Variants in ESRRG observed in about 807,000 individuals in gnomAD.
ESRRG encodes estrogen-related receptor gamma.
In ESRRG, 13 loss-of-function variants were observed where a neutral mutation model predicts 44.0. The ratio of observed to expected loss-of-function variants is 0.30; its 90% CI spans 0.19 to 0.47. The LOEUF is 0.47. Ranked by LOEUF, ESRRG falls within the 20% of genes least tolerant of loss-of-function variation. The pLI is 1.00. For synonymous variants in ESRRG, 215 were observed against 214.6 expected (o/e 1.00, Z -0.02); for missense variants, 395 against 580.6 (o/e 0.68, Z 3.29).
At chr1:216,862,697 T>C (rs930963036) in intron 2 of ESRRG, 3 of 152,122 alleles carry the variant, frequency 2.0e-5, no homozygotes, top group African/African-American at 4.8e-5. Flanking sequence ...GACTTATCCA[T>C]AGAGGCAAAA....
intron 1 of ESRRG, among the ~76,000 whole-genome samples, chr1:217,028,156 C>A (rs1353456139): frequency 6.6e-6 from 1 of 152,128 alleles, no homozygotes; most frequent in African/African-American, 2.4e-5. Flanking sequence ...TCATTATAAC[C>A]TACAAAGGGA....
chr1:216,826,420 C>T (rs1414372986), intron 2 of ESRRG, among the ~76,000 whole-genome samples: 2 of 152,114 alleles, frequency 1.3e-5, no homozygotes, highest in African/African-American at 4.8e-5. Context: ...GATCTGGGCT[C>T]ACCAGCCATT....
chr1:216,805,332 A>C (rs1231433007), intron 2 of ESRRG: 3 of 152,156 alleles, frequency 2.0e-5, no homozygotes, highest in Non-Finnish European at 4.4e-5. Context: ...ACATTTGTTG[A>C]GTTAGCTAGC....
chr1:216,811,031 C>G (rs2094953063), intron 2 of ESRRG, among the ~76,000 whole-genome samples: 1 of 151,628 alleles, frequency 6.6e-6, no homozygotes, highest in African/African-American at 2.4e-5. Flanking sequence ...TTTTGAGAGG[C>G]AAAAATAAAT....
chr1:217,047,985 A>G (rs1255328385), intron 1 of ESRRG, among the ~76,000 whole-genome samples: 1 of 152,190 alleles, frequency 6.6e-6, no homozygotes, highest in Admixed American at 6.5e-5. Flanking sequence ...AGACCAAGAA[A>G]TATGTGTAGT....
At chr1:216,847,657 C>T (rs944987478) in intron 2 of ESRRG, among the ~76,000 whole-genome samples, 2 of 152,064 alleles carry the variant, frequency 1.3e-5, no homozygotes, top group Admixed American at 1.3e-4. Context: ...TATTGTCTCT[C>T]TCTAAACTGG....
intron 1 of ESRRG, among the ~76,000 whole-genome samples, chr1:216,947,895 C>G (rs1369719759): frequency 6.6e-6 from 1 of 152,026 alleles, no homozygotes; most frequent in Admixed American, 6.6e-5. Flanking sequence ...GGAGCCTCCC[C>G]ATACTTGGTC....
chr1:216,534,959 C>A (rs989146164), intron 5 of ESRRG, among the ~76,000 whole-genome samples: 6 of 152,054 alleles, frequency 3.9e-5, no homozygotes, highest in Non-Finnish European at 5.9e-5. Flanking sequence ...TCCAAGTCAG[C>A]CTGCAAACTG....
At chr1:216,994,650 C>CA (rs1560405253) in intron 1 of ESRRG, among the ~76,000 whole-genome samples, 1 of 152,022 alleles carries the variant, frequency 6.6e-6, no homozygotes, top group East Asian at 1.9e-4. Context: ...GGCGCTATGT[C>CA]GGCTCACTGC....
intron 5 of ESRRG, among the ~76,000 whole-genome samples, chr1:216,552,347 C>A (rs937429547): frequency 2.6e-5 from 4 of 152,132 alleles, no homozygotes; most frequent in Admixed American, 6.6e-5. Context: ...TAATGCACAA[C>A]TGAGCATTAA....
intron 1 of ESRRG, among the ~76,000 whole-genome samples, chr1:217,084,765 TAA>T (rs2091975467): frequency 6.6e-6 from 1 of 152,180 alleles, no homozygotes; most frequent in Admixed American, 6.6e-5. Context: ...AACAGCCATA[TAA>T]ATAAATAAAA....
intron 2 of ESRRG, among the ~76,000 whole-genome samples, chr1:216,854,034 C>T (rs1349008835): frequency 2.0e-5 from 3 of 152,082 alleles, no homozygotes; most frequent in Non-Finnish European, 2.9e-5. Flanking sequence ...GAGTTAGGCT[C>T]AGCTGGCTGC....
At chr1:216,549,361 T>C (rs767705934) in intron 5 of ESRRG, among the ~76,000 whole-genome samples, 1 of 151,998 alleles carries the variant, frequency 6.6e-6, no homozygotes, top group Non-Finnish European at 1.5e-5. Flanking sequence ...GAGGGAAAAG[T>C]ATGAATATTG....
intron 2 of ESRRG, among the ~76,000 whole-genome samples, chr1:216,832,733 G>C (rs1417304792): frequency 6.6e-6 from 1 of 152,158 alleles, no homozygotes; most frequent in East Asian, 1.9e-4. Context: ...GGAGGCCAAG[G>C]CAGGTGGATC....
At chr1:216,886,748 G>A (rs1342780586) in intron 2 of ESRRG, among the ~76,000 whole-genome samples, 1 of 152,064 alleles carries the variant, frequency 6.6e-6, no homozygotes, top group African/African-American at 2.4e-5. Context: ...GATTGAGACA[G>A]GTTCTCACTC....
At chr1:216,723,190 C>T in intron 1 of ESRRG, 54 bp downstream of exon 1, 1 of 1,447,780 alleles carries the variant, frequency 6.9e-7, no homozygotes, top group Non-Finnish European at 9.7e-7. Context: ...TCTGTCCGCC[C>T]CCACCCCCGC....
intron 2 of ESRRG, among the ~76,000 whole-genome samples, chr1:216,857,602 G>C (rs563701683): frequency 6.6e-6 from 1 of 151,118 alleles, no homozygotes; most frequent in African/African-American, 2.4e-5. Context: ...GAAAGAGAAA[G>C]AAAAATCTAA....
intron 2 of ESRRG, among the ~76,000 whole-genome samples, chr1:216,885,431 G>A (rs2096501249): frequency 1.3e-5 from 2 of 152,076 alleles, no homozygotes; most frequent in South Asian, 2.1e-4. Flanking sequence ...GGGTGCTGAG[G>A]AGCAGGTGGA....
chr1:216,999,039 C>A (rs2150613470), intron 1 of ESRRG, among the ~76,000 whole-genome samples: 1 of 152,284 alleles, frequency 6.6e-6, no homozygotes, highest in African/African-American at 2.4e-5. Context: ...TTATTTGTGA[C>A]TCTCCTGGGC....
Sources: allele counts gnomAD v4.1 joint callset (sites outside exome capture counted in the v4.1 genomes callset), GRCh38; gene constraint gnomAD v4.1.1; transcripts MANE v1.5; gene names NCBI Gene and HGNC (gene_info 2026-07-23, HGNC 2026-07-21).